CUBN: variants seen among roughly 807,000 people sequenced by gnomAD.
The protein encoded by CUBN is cubilin, also known as 460 kDa receptor.
A neutral mutation model predicts 405.3 loss-of-function variants in CUBN; 282 were observed. That is an observed-to-expected ratio of 0.70 (90% confidence interval 0.63 to 0.77). The LOEUF is 0.77. Among genes scored for constraint, CUBN ranks in the 30% least tolerant of loss-of-function variants. The pLI is 0.00. For missense variants in CUBN, 4,514 were observed against 4,475.2 expected, an observed-to-expected ratio of 1.01 and a Z score of -0.25; for synonymous variants, 1,684 against 1,617.0, an observed-to-expected ratio of 1.04 and a Z score of -0.99.
At chr10:16,826,342 A>T (rs1382543061) in intron 66 of CUBN, among the ~76,000 whole-genome samples, 3 of 152,194 alleles carry the variant, frequency 2.0e-5, no homozygotes, top group East Asian at 1.9e-4. Flanking sequence ...AGGAGTATAC[A>T]TACAAAAGTA....
At chr10:16,902,884 G>T (rs2131427079) in intron 51 of CUBN, among the ~76,000 whole-genome samples, 1 of 152,232 alleles carries the variant, frequency 6.6e-6, no homozygotes, top group Admixed American at 6.5e-5. Context: ...TCCACAGAAG[G>T]CAGGACTGGA....
chr10:16,914,815 A>C (rs1841836258), intron 47 of CUBN, among the ~76,000 whole-genome samples: 1 of 152,178 alleles, frequency 6.6e-6, no homozygotes, highest in Non-Finnish European at 1.5e-5. Context: ...TATAACTCTC[A>C]TCCTCTTATT....
At chr10:17,036,710 G>A (rs1834909709) in intron 27 of CUBN, among the ~76,000 whole-genome samples, 1 of 152,156 alleles carries the variant, frequency 6.6e-6, no homozygotes, top group Non-Finnish European at 1.5e-5. Context: ...TTCTAAATTA[G>A]ACACTAAAAA....
intron 59 of CUBN, among the ~76,000 whole-genome samples, chr10:16,852,512 T>C (rs116826545): frequency 0.025 from 3,609 of 143,180 alleles, 156 homozygotes; most frequent in African/African-American, 0.084. Flanking sequence ...TCAGTCTATC[T>C]TTCCCTTCCT....
At chr10:17,098,109 C>A (rs1836414536) in intron 14 of CUBN, among the ~76,000 whole-genome samples, 1 of 152,112 alleles carries the variant, frequency 6.6e-6, no homozygotes, top group African/African-American at 2.4e-5. Context: ...CTAAGACAAA[C>A]TTTTTAGAGT....
At chr10:16,941,867 G>T (rs1588503128) in intron 36 of CUBN, among the ~76,000 whole-genome samples, 1 of 152,016 alleles carries the variant, frequency 6.6e-6, no homozygotes, top group African/African-American at 2.4e-5. Context: ...TTAAAAAAAT[G>T]AAAAGGCAAG....
Position 16,835,090 on chromosome 10 carries a change from T to C in CUBN, c.10286A>G (p.Gln3429Arg), listed in dbSNP as rs577492421. The C allele has an allele frequency of 8.1e-6, 13 of 1,614,056 alleles. No individual in the cohort carries two copies. The highest frequency in any genetic ancestry group is 1.3e-5 in the African/African-American group (1 of 74,926). The change falls in exon 64 of 67, where the codon CAG (glutamine) becomes CGG (arginine). Residue 3429 changes from glutamine (Q) to arginine (R), a missense_variant. By Grantham distance (43) the Gln-to-Arg change is conservative. Around this residue, in one of 5 missense-constraint regions of CUBN, gnomAD observed 1,186 missense variants for 1,186.9 expected, o/e 1.00. Coordinates refer to ENST00000377833, the MANE Select transcript of CUBN (RefSeq NM_001081.4). ...KDCTVTLTAP[Q>R]NHTISLFFHS... ...AAAAAAGAGGGAAATGGTGTGGTTC[T>C]GGGGGGCTGTGAGAGTAACGGTGCA... is the stretch of plus-strand genomic sequence containing the variant.
chr10:16,950,439 A>G (rs1234573724), intron 33 of CUBN, among the ~76,000 whole-genome samples: 1 of 152,214 alleles, frequency 6.6e-6, no homozygotes, highest in Non-Finnish European at 1.5e-5. Flanking sequence ...TACATCTACT[A>G]TGTACCCACA....
intron 3 of CUBN, among the ~76,000 whole-genome samples, 154 bp from the exon 4 acceptor site, chr10:17,126,953 C>T (rs1047289539): frequency 1.3e-5 from 2 of 152,118 alleles, no homozygotes; most frequent in Middle Eastern, 3.2e-3. Flanking sequence ...TTCCTCTCCC[C>T]TCAGGATTTT....
intron 28 of CUBN, among the ~76,000 whole-genome samples, chr10:17,017,838 CAG>C (rs970492951): frequency 3.3e-5 from 5 of 152,074 alleles, no homozygotes; most frequent in African/African-American, 9.7e-5. Context: ...GGACTAGCCT[CAG>C]AGAAGAGAGG....
chr10:17,019,868 C>T lies in CUBN; in HGVS notation c.4133G>A (p.Arg1378His), dbSNP rs569396234. The change falls in exon 28 of 67, where the codon CGT (arginine) becomes CAT (histidine). Residue 1378 changes from arginine to histidine, a missense_variant. Physicochemically the swap from Arg to His is conservative, Grantham distance 29. This residue lies in a region of CUBN where 242 missense variants were observed against 309.0 expected (regional missense o/e 0.78). Coordinates refer to ENST00000377833, the MANE Select transcript of CUBN (RefSeq NM_001081.4). ...VLLLTDGVGR[R>H]EKGFQMQWFV... ...CCACTGCATCTGAAATCCTTTCTCACGGCGGCCAACCCCATCTGTAAGGAG... is the reference window on the plus strand; with the variant it reads ...CCACTGCATCTGAAATCCTTTCTCATGGCGGCCAACCCCATCTGTAAGGAG... The T allele has an allele frequency of 2.4e-5, 38 of 1,614,028 alleles. No individual in the cohort carries two copies. The highest frequency in any genetic ancestry group is 6.7e-5 in the African/African-American group (5 of 74,922).
intron 59 of CUBN, among the ~76,000 whole-genome samples, chr10:16,859,243 T>C (rs1839947648): frequency 6.6e-6 from 1 of 152,142 alleles, no homozygotes; most frequent in Admixed American, 6.6e-5. Flanking sequence ...GGATCATTGA[T>C]TGAGAATAGA....
intron 6 of CUBN, among the ~76,000 whole-genome samples, chr10:17,118,475 G>A (rs1249373579): frequency 1.3e-5 from 2 of 152,118 alleles, no homozygotes; most frequent in African/African-American, 2.4e-5. Context: ...ACAGGGTCTT[G>A]TGCCCAGGCG....
At chr10:16,957,841 T>C (rs1843110635) in intron 31 of CUBN, among the ~76,000 whole-genome samples, 1 of 151,928 alleles carries the variant, frequency 6.6e-6, no homozygotes, top group Non-Finnish European at 1.5e-5. Context: ...GTCTAGCATT[T>C]CTTAATTTTT....
chr10:17,004,485 A>G (rs548736372), intron 28 of CUBN, among the ~76,000 whole-genome samples: 1 of 152,298 alleles, frequency 6.6e-6, no homozygotes, highest in South Asian at 2.1e-4. Context: ...ATGTTCAAAT[A>G]GAAGCTCACA....
At chr10:16,863,614 T>C (rs1840080070) in intron 59 of CUBN, among the ~76,000 whole-genome samples, 1 of 152,232 alleles carries the variant, frequency 6.6e-6, no homozygotes, top group South Asian at 2.1e-4. Context: ...ATTGTTTAGC[T>C]ATTTTAGAAT....
Position 16,900,813 on chromosome 10 carries a change from G to T in CUBN, c.8222C>A (p.Thr2741Asn), listed in dbSNP as rs771697506. The T allele has an allele frequency of 5.9e-5, 96 of 1,614,014 alleles. 1 individual carries two copies. In the East Asian group the frequency reaches 2.1e-3, roughly 36 times the overall value. Residue 2741 changes from threonine to asparagine, a missense_variant, in exon 53 of 67, where the codon ACT (threonine) becomes AAT (asparagine). Around this residue, in one of 5 missense-constraint regions of CUBN, gnomAD observed 1,186 missense variants for 1,186.9 expected, o/e 1.00. Coordinates refer to ENST00000377833, the MANE Select transcript of CUBN (RefSeq NM_001081.4). ...GACAGTGACAGAGTCCCAAGCACAA[G>T]TTGTATGGGGTTCAATATCAAAGTC... ...FSDFDIEPHT[T>N]CAWDSVTVRN...
rs1157364162 is a variant in CUBN, at chr10:17,123,472, TG to T, written c.489+115del. 9.7e-6 allele frequency: 8 copies of T among 828,582 alleles called. No individual in the cohort carries two copies. In the African/African-American group the frequency reaches 1.4e-4, roughly 14 times the overall value. The allele number at this position is 828,582 out of a possible 1,614,324, so 51.3% of individuals were successfully genotyped here. On this transcript the variant is annotated intron_variant, in intron 5 of 66. Transcript: ENST00000377833. Reference sequence around the variant, plus strand: ...ATACCTGGTATATTTCAATTTGATTTGGGAGGCCACAGAATCCTAGAAACTT... The same window carrying T: ...ATACCTGGTATATTTCAATTTGATTTGGAGGCCACAGAATCCTAGAAACTT...
At chr10:16,891,895 A>G (rs1202686824) in intron 54 of CUBN, among the ~76,000 whole-genome samples, 1 of 152,066 alleles carries the variant, frequency 6.6e-6, no homozygotes, top group Non-Finnish European at 1.5e-5. Context: ...ACAATCTGCA[A>G]TACCCAATAT....
Sources: gnomAD v4.1 joint callset for allele counts (sites outside exome capture counted in the v4.1 genomes callset) on GRCh38, gnomAD v4.1.1 for gene constraint, gnomAD v4.1.1 regional missense constraint, MANE v1.5 for transcripts, NCBI Gene and HGNC (gene_info 2026-07-23, HGNC 2026-07-21) for gene names.